The following PIM1 variants were observed in gnomAD, a reference collection of about 807,000 sequenced individuals.
PIM1 encodes the protein serine/threonine-protein kinase pim-1.
Under a neutral mutation model 34.5 loss-of-function variants are expected in PIM1, and 9 were observed. The ratio of observed to expected loss-of-function variants is 0.26; its 90% CI spans 0.16 to 0.46. PIM1 has a LOEUF of 0.46. Ranked by LOEUF, PIM1 falls within the 20% of genes least tolerant of loss-of-function variation. PIM1 has a pLI of 1.00. For synonymous variants in PIM1, 199 were observed against 175.2 expected, an observed-to-expected ratio of 1.14 and a Z score of -1.07; for missense variants, 274 against 410.9, an observed-to-expected ratio of 0.67 and a Z score of 2.88.
Position 37,170,519 on chromosome 6 carries a change from G to T in PIM1, c.-57G>T. 8 of 1,607,772 alleles carry T rather than the reference G, an allele frequency of 5.0e-6. No individual in the cohort carries two copies. The highest frequency in any genetic ancestry group is 6.8e-6 in the Non-Finnish European group (8 of 1,178,542). Reference sequence around the variant, plus strand: ...TAGCCTTCGGCACAGCCCCGGCTCCGGCTCCTGCGGCAGCTCCTCTGGGCA... The same window carrying T: ...TAGCCTTCGGCACAGCCCCGGCTCCTGCTCCTGCGGCAGCTCCTCTGGGCA... On this transcript the variant is annotated 5_prime_UTR_variant, in exon 1 of 6. Coordinates refer to ENST00000373509, the MANE Select transcript of PIM1 (RefSeq NM_002648.4).
At position 37,170,164 on chromosome 6, in the gene PIM1, G is replaced by T; in HGVS notation, c.-412G>T. The T allele has an allele frequency of 2.1e-6, 2 of 935,322 alleles. No individual in the cohort carries two copies. Among genetic ancestry groups the T allele is most frequent in the African/African-American group, 1.8e-5 (1 of 56,914 alleles). 57.9% of individuals were successfully genotyped at this position (935,322 alleles called of 1,614,324 possible). On this transcript the variant is annotated 5_prime_UTR_variant, in exon 1 of 6. Transcript: ENST00000373509. The stretch of plus-strand genomic sequence containing the variant: ...GCTCCTCCCCTTTACTCCTGGCTGC[G>T]GGGCGAGCCGGGCGTCTGCTGCAGC...
rs55982566 is a variant in PIM1, at chr6:37,173,009, T to C, written c.621T>C (p.Tyr207=). The change falls in exon 5 of 6, where the codon TAT becomes TAC. Residue 207 remains tyrosine (Y), a synonymous_variant. Transcript: ENST00000373509. ...VYTDFDGTRV[Y]SPPEWIRYHR... ...CTTGGCTCACAGGGACCCGAGTGTATAGCCCTCCAGAGTGGATCCGCTACC... is the reference window on the plus strand; with the variant it reads ...CTTGGCTCACAGGGACCCGAGTGTACAGCCCTCCAGAGTGGATCCGCTACC... The C allele has an allele frequency of 5.0e-6, 8 of 1,613,994 alleles. No individual in the cohort carries two copies. The East Asian group carries it at 1.8e-4, about 36-fold the overall frequency.
rs57187090 is a variant in PIM1, at chr6:37,173,920, C to T, written c.785-14C>T. On this transcript the variant is annotated splice_polypyrimidine_tract_variant and intron_variant, in intron 5 of 5. Coordinates refer to ENST00000373509, the MANE Select transcript of PIM1 (RefSeq NM_002648.4). ...TTGAGTCATTCATAACCTCGTCTAT[C>T]CTCCTTTCTGCAGAATGTCAGCATC... 5 of 1,606,352 alleles carry T rather than the reference C, an allele frequency of 3.1e-6. No homozygotes were observed. The African/African-American group carries it at 4.0e-5, about 13-fold the overall frequency.
chr6:37,170,212 CGA>C lies in PIM1; in HGVS notation c.-360_-359del. ...AGCGGCCGCGGTGGCTGAGGAGGCC[CGA>C]GAGGAGTCGGTGGCAGCGGCGGCGG... On this transcript the variant is annotated 5_prime_UTR_variant, in exon 1 of 6. Transcript: ENST00000373509. The C allele has an allele frequency of 8.0e-7, 1 of 1,253,252 alleles. No individual in the cohort carries two copies. Among genetic ancestry groups the C allele is most frequent in the Non-Finnish European group, 1.0e-6 (1 of 991,354 alleles). 77.6% of individuals were successfully genotyped at this position (1,253,252 alleles called of 1,614,324 possible).
At chr6:37,172,476 GGTGTGGGT>G (rs746408932) in intron 4 of PIM1, 4 of 418,220 alleles carry the variant, frequency 9.6e-6, no homozygotes, top group Non-Finnish European at 1.9e-5. Context: ...GGGAGGAAAG[GGTGTGGGT>G]GTCTGCTCCT....
chr6:37,171,695 C>T (rs999437289), intron 4 of PIM1, among the ~76,000 whole-genome samples: 5 of 152,230 alleles, frequency 3.3e-5, no homozygotes, highest in Non-Finnish European at 5.9e-5. Flanking sequence ...ATGTTTCTGG[C>T]ATGATTTTAT....
At chr6:37,172,908 T>A (rs2073474) in intron 4 of PIM1, 88 bp from the exon 5 acceptor site, 22,640 of 1,045,278 alleles carry the variant, frequency 0.022, 705 homozygotes, top group East Asian at 0.14. Context: ...TTTTTTTTTT[T>A]AAAAGAAAGA....
In PIM1 at chr6:37,174,136, G is replaced by A. The variant is rs1276995600; in HGVS notation, c.*45G>A. ...TCCCCTCTCTTGTCAGATGCCCGAG[G>A]GAGGGGAAGCTTCTGTCTCCAGCTT... On this transcript the variant is annotated 3_prime_UTR_variant, in exon 6 of 6. Coordinates refer to ENST00000373509, the MANE Select transcript of PIM1 (RefSeq NM_002648.4). 1.3e-6 allele frequency: 2 copies of A among 1,575,056 alleles called. No homozygotes were observed. The highest frequency in any genetic ancestry group is 1.7e-6 in the Non-Finnish European group (2 of 1,158,660).
intron 5 of PIM1, among the ~76,000 whole-genome samples, 187 bp from the exon 6 acceptor site, chr6:37,173,747 C>T (rs1454337791): frequency 6.6e-6 from 1 of 152,176 alleles, no homozygotes; most frequent in East Asian, 1.9e-4. Flanking sequence ...TAGCTGAAAG[C>T]AGACTGGAGG....
In PIM1 at chr6:37,170,237, C is replaced by T. The variant is rs1762242522; in HGVS notation, c.-339C>T. 5 of 1,256,424 alleles carry T rather than the reference C, an allele frequency of 4.0e-6. No individual in the cohort carries two copies. The highest frequency in any genetic ancestry group is 1.7e-5 in the South Asian group (1 of 59,902). 77.8% of individuals were successfully genotyped at this position (1,256,424 alleles called of 1,614,324 possible). A position where few individuals can be genotyped will look rare whatever the true frequency, so the allele number is the denominator to read the frequency against. ...CGAGAGGAGTCGGTGGCAGCGGCGG[C>T]GGCGGGACCGGCAGCAGCAGCAGCA... On this transcript the variant is annotated 5_prime_UTR_variant, in exon 1 of 6. Coordinates refer to ENST00000373509, the MANE Select transcript of PIM1 (RefSeq NM_002648.4).
rs761663338 is a variant in PIM1, at chr6:37,170,502, G to A, written c.-74G>A. 1.9e-6 allele frequency: 3 copies of A among 1,599,218 alleles called. No homozygotes were observed. The South Asian group carries it at 3.3e-5, about 18-fold the overall frequency. On this transcript the variant is annotated 5_prime_UTR_variant, in exon 1 of 6. Coordinates refer to ENST00000373509, the MANE Select transcript of PIM1 (RefSeq NM_002648.4). ...AGCCACAGCCCCAGGCATAGCCTTC[G>A]GCACAGCCCCGGCTCCGGCTCCTGC...
At chr6:37,171,073 G>A (rs1762275884) in intron 3 of PIM1, 42 bp downstream of exon 3, 1 of 1,613,844 alleles carries the variant, frequency 6.2e-7, no homozygotes, top group Middle Eastern at 1.7e-4. Context: ...GAGTGGGTGG[G>A]GTGAGGGGCG....
At position 37,170,351 on chromosome 6, in the gene PIM1, C is replaced by T. The variant is rs962945709; in HGVS notation, c.-225C>T. On this transcript the variant is annotated 5_prime_UTR_variant, in exon 1 of 6. Transcript: ENST00000373509. The stretch of plus-strand genomic sequence containing the variant: ...GCTCACCCCGCCGTTCTCAGCGCTG[C>T]CCGACCCCGCTGGCGCGCCCTCCCG... The T allele has an allele frequency of 6.6e-6, 10 of 1,513,770 alleles. No homozygotes were observed. Among genetic ancestry groups the T allele is most frequent in the Middle Eastern group, 3.7e-4 (2 of 5,342 alleles). The allele number at this position is 1,513,770 out of a possible 1,614,324, so 93.8% of individuals were successfully genotyped here.
In PIM1 at chr6:37,175,134, G is replaced by C; in HGVS notation, c.*1043G>C. 1 of 233,532 alleles carries C rather than the reference G, an allele frequency of 4.3e-6. No homozygotes were observed. Among genetic ancestry groups the C allele is most frequent in the East Asian group, 6.0e-5 (1 of 16,586 alleles). 14.5% of individuals were successfully genotyped at this position (233,532 alleles called of 1,614,324 possible). On this transcript the variant is annotated 3_prime_UTR_variant, in exon 6 of 6. Coordinates refer to ENST00000373509, the MANE Select transcript of PIM1 (RefSeq NM_002648.4). ...CGCTTGCTCTGTTTGTGGGGTGACGGGACTCAGGCGGGACAGTGCTGCAGC... is the reference window on the plus strand; with the variant it reads ...CGCTTGCTCTGTTTGTGGGGTGACGCGACTCAGGCGGGACAGTGCTGCAGC...
At position 37,174,421 on chromosome 6, in the gene PIM1, A is replaced by G. The variant is rs1242032074; in HGVS notation, c.*330A>G. On this transcript the variant is annotated 3_prime_UTR_variant, in exon 6 of 6. Transcript: ENST00000373509. ...ACCCTGCCATGGAACTGTTTCCTTC[A>G]TCATGAGTTCTGCTGAATGCCGCGA... The G allele has an allele frequency of 7.0e-6, 2 of 284,718 alleles. No homozygotes were observed. Among genetic ancestry groups the G allele is most frequent in the Non-Finnish European group, 1.4e-5 (2 of 147,876 alleles). 17.6% of individuals were successfully genotyped at this position (284,718 alleles called of 1,614,324 possible).
At chr6:37,172,847 T>C (rs1028431153) in intron 4 of PIM1, 149 bp from the exon 5 acceptor site, 2 of 753,116 alleles carry the variant, frequency 2.7e-6, no homozygotes, top group Non-Finnish European at 4.7e-6. Context: ...TCCACTCTCC[T>C]TAGCCCAGAG....
At chr6:37,172,865 T>G in intron 4 of PIM1, 131 bp from the exon 5 acceptor site, 1 of 807,644 alleles carries the variant, frequency 1.2e-6, no homozygotes, top group Non-Finnish European at 2.1e-6. Context: ...GAGGGAAAAA[T>G]GGAGTTCACC....
intron 5 of PIM1, 125 bp downstream of exon 5, chr6:37,173,297 A>G: frequency 7.2e-6 from 6 of 836,356 alleles, no homozygotes; most frequent in Non-Finnish European, 1.1e-5. Flanking sequence ...CTTGGCTTAG[A>G]ATTGTAGGTG....
In PIM1 at chr6:37,174,947, C is replaced by A. The variant is rs2113773264; in HGVS notation, c.*856C>A. Reference sequence around the variant, plus strand: ...TAAGTTATTTTACCTGTTTTTGTTTCTTGTTTTGAAAGATGCGCATTCTAA... The same window carrying A: ...TAAGTTATTTTACCTGTTTTTGTTTATTGTTTTGAAAGATGCGCATTCTAA... On this transcript the variant is annotated 3_prime_UTR_variant, in exon 6 of 6. Transcript: ENST00000373509. 1 of 233,628 alleles carries A rather than the reference C, an allele frequency of 4.3e-6. No individual in the cohort carries two copies. Among genetic ancestry groups the A allele is most frequent in the East Asian group, 6.0e-5 (1 of 16,596 alleles). 14.5% of individuals were successfully genotyped at this position (233,628 alleles called of 1,614,324 possible).
Sources: gnomAD v4.1 joint callset for allele counts (sites outside exome capture counted in the v4.1 genomes callset) on GRCh38, gnomAD v4.1.1 for gene constraint, MANE v1.5 for transcripts, NCBI Gene and HGNC (gene_info 2026-07-23, HGNC 2026-07-21) for gene names.